Variants in TPM2 observed in about 807,000 individuals in gnomAD.
TPM2 encodes tropomyosin beta chain.
A neutral mutation model predicts 41.0 loss-of-function variants in TPM2; 26 were observed. That is an observed-to-expected ratio of 0.63 (90% CI 0.46 to 0.88). The LOEUF is 0.88. Ranked by LOEUF, TPM2 falls within the 40% of genes least tolerant of loss-of-function variation. The pLI, the probability that TPM2 is intolerant of heterozygous loss-of-function variation, is 0.00. For synonymous variants in TPM2, 143 were observed against 139.3 expected (o/e 1.03, Z -0.19); for missense variants, 187 against 355.2 (o/e 0.53, Z 3.81).
chr9:35,684,067 T>C, intron 8 of TPM2, 179 bp downstream of exon 8: 1 of 654,962 alleles, frequency 1.5e-6, no homozygotes, highest in East Asian at 2.8e-5. Flanking sequence ...CTGGAGTTGT[T>C]GCGCCGTGGG....
At position 35,685,617 on chromosome 9, in the gene TPM2, C is replaced by T. The variant is rs1243871; in HGVS notation, c.374+30G>A. 7 of 1,614,130 alleles carry T rather than the reference C, an allele frequency of 4.3e-6. No individual in the cohort carries two copies. Among genetic ancestry groups the T allele is most frequent in the East Asian group, 2.2e-5 (1 of 44,872 alleles). ...CAGAGACAGGCTCCCTTCTCCCTCCCGGACCATCCTCCCCGAGGCCCCTGA... is the reference window on the plus strand; with the variant it reads ...CAGAGACAGGCTCCCTTCTCCCTCCTGGACCATCCTCCCCGAGGCCCCTGA... On this transcript the variant is annotated intron_variant, in intron 3 of 8. Transcript: ENST00000645482. The surrounding 1 kb of genome is among the most constrained non-coding windows in gnomAD (Gnocchi z 5.0).
downstream of TPM2, chr9:35,682,648 C>T (rs1342815928): frequency 7.6e-7 from 1 of 1,309,154 alleles, no homozygotes; most frequent in African/African-American, 1.5e-5. Flanking sequence ...TCCAGTCACT[C>T]TGTTTGATCC....
Position 35,684,482 on chromosome 9 carries a change from T to A in TPM2, c.702+6A>T. 6.2e-7 allele frequency: 1 copy of A among 1,614,180 alleles called. No individual in the cohort carries two copies. ...GGGAGACTGGGAACTGGAAGAGGAC[T>A]CTCACCTCCTTCAGCTTCTCCTCCA... On this transcript the variant is annotated splice_donor_region_variant and intron_variant, in intron 7 of 8. Transcript: ENST00000645482.
In TPM2 at chr9:35,685,391, T is replaced by TTGCA. The variant is rs745471035; in HGVS notation, c.492+39_492+42dup. ...GATCAGTGGAGAAGGACTGGGCATG[T>TTGCA]TGCAGGCTGGGCAGCGAGCAGGCAG... On this transcript the variant is annotated intron_variant, in intron 4 of 8. Coordinates refer to ENST00000645482, the MANE Select transcript of TPM2 (RefSeq NM_003289.4). The surrounding 1 kb of genome is among the most constrained non-coding windows in gnomAD (Gnocchi z 5.0). 6.2e-7 allele frequency: 1 copy of TTGCA among 1,614,064 alleles called. No individual in the cohort carries two copies. Among genetic ancestry groups the TTGCA allele is most frequent in the Non-Finnish European group, 8.5e-7 (1 of 1,179,940 alleles).
At chr9:35,682,839 G>C (rs1311091838), downstream of TPM2, 1 of 1,413,812 alleles carries the variant, frequency 7.1e-7, no homozygotes, top group East Asian at 3.5e-5. Flanking sequence ...CAGGGGCTGG[G>C]GGTGTCAGTA....
Position 35,689,614 on chromosome 9 carries a change from C to G in TPM2, c.114+90G>C, listed in dbSNP as rs531811717. On this transcript the variant is annotated intron_variant, in intron 1 of 8. Coordinates refer to ENST00000645482, the MANE Select transcript of TPM2 (RefSeq NM_003289.4). ...CACCCTGGGTGAGAGAGAGCCTTGG[C>G]GGGCAGGCCCGGGGCTGGGGGACCC... is the stretch of plus-strand genomic sequence containing the variant. 15,585 of 1,593,504 alleles carry G rather than the reference C, an allele frequency of 9.8e-3. 110 individuals carry two copies. The highest frequency in any genetic ancestry group is 0.012 in the Non-Finnish European group (13,718 of 1,174,374).
At chr9:35,683,277 G>A (rs1233886145) in intron 8 of TPM2, 36 bp from the exon 9 acceptor site, 3 of 1,536,858 alleles carry the variant, frequency 2.0e-6, no homozygotes, top group South Asian at 1.2e-5. Flanking sequence ...AGGTGGGAGT[G>A]TGGGAAAGGG....
Position 35,685,140 on chromosome 9 carries a change from C to T in TPM2, c.563+129G>A, listed in dbSNP as rs776041065. 5.6e-6 allele frequency: 9 copies of T among 1,614,008 alleles called. No homozygotes were observed. In the East Asian group the frequency reaches 8.9e-5, roughly 16 times the overall value. ...TTCCTCCTCCAGCTGTCTGGCTCGG[C>T]TGGGGGCAGCGGGCAGGGGTCAGAG... On this transcript the variant is annotated intron_variant, in intron 5 of 8. Coordinates refer to ENST00000645482, the MANE Select transcript of TPM2 (RefSeq NM_003289.4). The surrounding 1 kb of genome is among the most constrained non-coding windows in gnomAD (Gnocchi z 5.0).
intron 1 of TPM2, 71 bp from the exon 2 acceptor site, chr9:35,689,342 T>C: frequency 6.3e-7 from 1 of 1,596,464 alleles, no homozygotes; most frequent in Non-Finnish European, 8.5e-7. Context: ...GCGGTGTGTG[T>C]AGGGGCGCTA....
rs1825148131 is a variant in TPM2, at chr9:35,689,731, C to T, written c.87G>A (p.Lys29=). ...GCTTGCAGCGGTCCTCAGCTTGCTT[C>T]TTGTCGGCTTCGGCCTGCTCGGCGC... is the stretch of plus-strand genomic sequence containing the variant. ...IDRAEQAEAD[K]KQAEDRCKQL... The change falls in exon 1 of 9, where the codon AAG becomes AAA. Residue 29 remains lysine (K), a synonymous_variant. Transcript: ENST00000645482. 1 of 1,613,652 alleles carries T rather than the reference C, an allele frequency of 6.2e-7. No homozygotes were observed. The highest frequency in any genetic ancestry group is 1.7e-5 in the Admixed American group (1 of 60,000).
chr9:35,682,052 C>T (rs762570027), downstream of TPM2: 6 of 1,613,322 alleles, frequency 3.7e-6, no homozygotes, highest in Non-Finnish European at 5.1e-6. Flanking sequence ...GGGTGGCAAC[C>T]ATAGCCTGGC....
At chr9:35,688,926 G>A (rs966324527) in intron 2 of TPM2, among the ~76,000 whole-genome samples, 6 of 152,176 alleles carry the variant, frequency 3.9e-5, no homozygotes, top group Non-Finnish European at 1.5e-5. Flanking sequence ...GAATTACAGG[G>A]CTAAGTCCTC....
At chr9:35,682,502 A>G, downstream of TPM2, 1 of 1,276,598 alleles carries the variant, frequency 7.8e-7, no homozygotes, top group Non-Finnish European at 1.0e-6. Context: ...CCAGACAGAC[A>G]GACTTGAGGT....
chr9:35,684,233 A>T lies in TPM2; in HGVS notation c.772+13T>A. ...ACGGCAGGTGTGGACCTACTTATAAAGGCTTCTTTTACCTTCTAGGTCATC... is the reference window on the plus strand; with the variant it reads ...ACGGCAGGTGTGGACCTACTTATAATGGCTTCTTTTACCTTCTAGGTCATC... On this transcript the variant is annotated intron_variant, in intron 8 of 8. Transcript: ENST00000645482. 2 of 1,613,848 alleles carry T rather than the reference A, an allele frequency of 1.2e-6. No homozygotes were observed. The highest frequency in any genetic ancestry group is 1.7e-6 in the Non-Finnish European group (2 of 1,179,724).
Position 35,682,948 on chromosome 9 carries a change from T to C in TPM2, c.*211A>G. On this transcript the variant is annotated 3_prime_UTR_variant, in exon 9 of 9. Transcript: ENST00000645482. ...GCATGGAGACCAAGTTCAGAATTTA[T>C]TAAGCAGCAAAGGAGGGTGGAAGGG... The C allele has an allele frequency of 6.6e-7, 1 of 1,508,640 alleles. No homozygotes were observed. Among genetic ancestry groups the C allele is most frequent in the Non-Finnish European group, 8.9e-7 (1 of 1,124,086 alleles). The allele number at this position is 1,508,640 out of a possible 1,614,324, so 93.5% of individuals were successfully genotyped here.
chr9:35,689,882 G>C lies in TPM2; in HGVS notation c.-65C>G. Reference sequence around the variant, plus strand: ...ACCGGACGGACTGGGCTGGGTGAGCGGACTGGGTGCACCGGTGGCAGGCGA... The same window carrying C: ...ACCGGACGGACTGGGCTGGGTGAGCCGACTGGGTGCACCGGTGGCAGGCGA... On this transcript the variant is annotated 5_prime_UTR_variant, in exon 1 of 9. Coordinates refer to ENST00000645482, the MANE Select transcript of TPM2 (RefSeq NM_003289.4). 1 of 1,610,066 alleles carries C rather than the reference G, an allele frequency of 6.2e-7. No homozygotes were observed. The highest frequency in any genetic ancestry group is 8.5e-7 in the Non-Finnish European group (1 of 1,178,774).
downstream of TPM2, chr9:35,682,283 C>T (rs79585549): frequency 7.9e-6 from 9 of 1,137,156 alleles, no homozygotes; most frequent in South Asian, 2.6e-5. Context: ...CATGCATTCA[C>T]GGACCTCAGG....
upstream of TPM2, chr9:35,690,039 G>A (rs867971963): frequency 2.4e-5 from 33 of 1,367,014 alleles, no homozygotes; most frequent in African/African-American, 3.3e-4. Context: ...GCACGGCCCG[G>A]CCGGGGGGTG....
At position 35,683,130 on chromosome 9, in the gene TPM2, G is replaced by C. The variant is rs755390853; in HGVS notation, c.*29C>G. The C allele has an allele frequency of 3.9e-6, 6 of 1,552,078 alleles. No individual in the cohort carries two copies. The highest frequency in any genetic ancestry group is 5.2e-6 in the Non-Finnish European group (6 of 1,147,130). On this transcript the variant is annotated 3_prime_UTR_variant, in exon 9 of 9. Transcript: ENST00000645482. ...AGAATGGAAAGGAGAGGAGAGAAGA[G>C]AGCTGAGGTGGCCACGCTGGCGTGG...
Sources: gnomAD v4.1 joint callset for allele counts (sites outside exome capture counted in the v4.1 genomes callset) on GRCh38, gnomAD v4.1.1 for gene constraint, Gnocchi (gnomAD v3.1) non-coding constraint, MANE v1.5 for transcripts, NCBI Gene and HGNC (gene_info 2026-07-23, HGNC 2026-07-21) for gene names.